The following OPCML variants were observed in gnomAD, a reference collection of about 807,000 sequenced individuals.
OPCML encodes the protein opioid-binding protein/cell adhesion molecule.
Under a neutral mutation model 37.8 loss-of-function variants are expected in OPCML, and 13 were observed. That is an observed-to-expected ratio of 0.34 (90% CI 0.22 to 0.55). The LOEUF is 0.55. Among genes scored for constraint, OPCML ranks in the 20% least tolerant of loss-of-function variants. The pLI is 0.91. For synonymous variants in OPCML, 176 were observed against 168.8 expected (o/e 1.04, Z -0.33); for missense variants, 341 against 435.6 (o/e 0.78, Z 1.93).
At chr11:133,480,865 G>A (rs916397127) in intron 1 of OPCML, among the ~76,000 whole-genome samples, 8 of 152,190 alleles carry the variant, frequency 5.3e-5, no homozygotes, top group Non-Finnish European at 1.0e-4. Flanking sequence ...AATACTGAAT[G>A]GGATGACTGA....
chr11:132,481,338 A>G (rs1309712715), intron 4 of OPCML, among the ~76,000 whole-genome samples: 3 of 151,986 alleles, frequency 2.0e-5, no homozygotes, highest in Admixed American at 6.6e-5. Flanking sequence ...TTACATAATG[A>G]TAAAGGGATC....
chr11:133,246,205 A>C (rs1473657207), intron 1 of OPCML, among the ~76,000 whole-genome samples: 1 of 152,248 alleles, frequency 6.6e-6, no homozygotes, highest in Admixed American at 6.5e-5. Flanking sequence ...GTTCAAAACT[A>C]ATTCAATGCA....
intron 1 of OPCML, among the ~76,000 whole-genome samples, chr11:133,233,180 G>T (rs1940352235): frequency 6.6e-6 from 1 of 152,168 alleles, no homozygotes; most frequent in Non-Finnish European, 1.5e-5. Context: ...ACCAAAAGAG[G>T]GGCCGAGTTT....
intron 1 of OPCML, among the ~76,000 whole-genome samples, chr11:133,141,074 A>G (rs952362782): frequency 9.9e-6 from 1 of 100,824 alleles, no homozygotes; most frequent in African/African-American, 3.0e-5. Context: ...GAAGAAGAAG[A>G]AGAAGAAGAA....
intron 4 of OPCML, among the ~76,000 whole-genome samples, chr11:132,522,400 C>T (rs572175972): frequency 4.6e-5 from 7 of 152,296 alleles, no homozygotes; most frequent in African/African-American, 1.7e-4. Flanking sequence ...GCTGCTGGCA[C>T]ATTCAATGAG....
At chr11:132,681,165 G>A (rs903437377) in intron 2 of OPCML, among the ~76,000 whole-genome samples, 1 of 152,212 alleles carries the variant, frequency 6.6e-6, no homozygotes, top group African/African-American at 2.4e-5. Context: ...GGGAGAGGAG[G>A]CAGGGAAATT....
chr11:132,526,279 T>C (rs2096308120), intron 4 of OPCML, among the ~76,000 whole-genome samples: 1 of 152,150 alleles, frequency 6.6e-6, no homozygotes, highest in South Asian at 2.1e-4. Context: ...TATAAAGACA[T>C]TTGATTTTAC....
chr11:133,519,816 A>G (rs1948362559), intron 1 of OPCML, among the ~76,000 whole-genome samples: 1 of 152,152 alleles, frequency 6.6e-6, no homozygotes, highest in African/African-American at 2.4e-5. Flanking sequence ...CCTGACTTCA[A>G]CCAGCCAAGC....
intron 1 of OPCML, among the ~76,000 whole-genome samples, chr11:133,040,028 CA>C (rs947331774): frequency 4.5e-4 from 64 of 142,344 alleles, no homozygotes; most frequent in South Asian, 6.8e-4. Flanking sequence ...GACTCCATCT[CA>C]AAAAAAAAAA....
intron 1 of OPCML, among the ~76,000 whole-genome samples, chr11:133,120,763 G>A (rs182839097): frequency 2.0e-5 from 3 of 152,302 alleles, no homozygotes; most frequent in South Asian, 2.1e-4. Flanking sequence ...GCTTTGGCCA[G>A]TCTACTATGA....
At chr11:132,678,437 T>C (rs1329465071) in intron 2 of OPCML, among the ~76,000 whole-genome samples, 1 of 152,206 alleles carries the variant, frequency 6.6e-6, no homozygotes, top group Non-Finnish European at 1.5e-5. Flanking sequence ...TGCAAAGACC[T>C]GCACACAGAT....
intron 3 of OPCML, among the ~76,000 whole-genome samples, chr11:132,566,252 C>T (rs2096422833): frequency 6.6e-6 from 1 of 152,202 alleles, no homozygotes; most frequent in East Asian, 1.9e-4. Flanking sequence ...GGTCCCAATT[C>T]AAACCATACT....
At chr11:132,503,511 A>C (rs1409290346) in intron 4 of OPCML, among the ~76,000 whole-genome samples, 1 of 152,082 alleles carries the variant, frequency 6.6e-6, no homozygotes, top group African/African-American at 2.4e-5. Flanking sequence ...CATTAAAAAT[A>C]TGGTGTGTCT....
chr11:132,732,275 C>T (rs1167476777), intron 2 of OPCML, among the ~76,000 whole-genome samples: 3 of 152,136 alleles, frequency 2.0e-5, no homozygotes, highest in African/African-American at 7.2e-5. Context: ...ATCTACCTTC[C>T]CCAATGACAA....
chr11:132,543,765 T>G (rs986796590), intron 3 of OPCML, among the ~76,000 whole-genome samples: 3 of 151,986 alleles, frequency 2.0e-5, no homozygotes, highest in South Asian at 2.1e-4. Flanking sequence ...TACCGCCACG[T>G]TTTTTCCCCC....
chr11:133,446,854 C>G (rs745504351), intron 1 of OPCML, among the ~76,000 whole-genome samples: 3 of 152,186 alleles, frequency 2.0e-5, no homozygotes, highest in Non-Finnish European at 4.4e-5. Flanking sequence ...TTCATTCATG[C>G]TGAAGCATGT....
At chr11:133,269,128 A>G (rs905272551) in intron 1 of OPCML, among the ~76,000 whole-genome samples, 6 of 152,204 alleles carry the variant, frequency 3.9e-5, no homozygotes, top group African/African-American at 1.4e-4. Flanking sequence ...TTCTTCAATT[A>G]GGAAAGCCTC....
chr11:133,200,891 C>A (rs1822369455), intron 1 of OPCML, among the ~76,000 whole-genome samples: 1 of 152,064 alleles, frequency 6.6e-6, no homozygotes, highest in African/African-American at 2.4e-5. Context: ...AGAAGGCCAT[C>A]AACGGTGGAC....
chr11:132,424,827 C>T (rs1397210221), intron 7 of OPCML, among the ~76,000 whole-genome samples: 1 of 152,216 alleles, frequency 6.6e-6, no homozygotes, highest in African/African-American at 2.4e-5. Flanking sequence ...ACCTGCACAC[C>T]TCCCTGTCCC....
Sources: allele counts gnomAD v4.1 joint callset (sites outside exome capture counted in the v4.1 genomes callset), GRCh38; gene constraint gnomAD v4.1.1; transcripts MANE v1.5; gene names NCBI Gene and HGNC (gene_info 2026-07-23, HGNC 2026-07-21).